Variants in PLCXD3 observed in about 807,000 individuals in gnomAD.
PLCXD3 encodes PI-PLC X domain-containing protein 3.
PLCXD3 carries 19 observed loss-of-function variants against 25.5 expected under a neutral mutation model. The ratio of observed to expected loss-of-function variants is 0.75; its 90% CI spans 0.52 to 1.09. The LOEUF (loss-of-function observed/expected upper bound fraction) is 1.09, where lower values mean the gene tolerates loss of function less well. Ranked by LOEUF, PLCXD3 falls within the 50% of genes least tolerant of loss-of-function variation. The pLI is 0.00. For missense variants in PLCXD3, 411 were observed against 388.1 expected (o/e 1.06, Z -0.50); for synonymous variants, 174 against 137.6 (o/e 1.26, Z -1.85).
intron 2 of PLCXD3, among the ~76,000 whole-genome samples, chr5:41,318,767 A>G (rs1345369276): frequency 6.6e-6 from 1 of 152,176 alleles, no homozygotes; most frequent in Non-Finnish European, 1.5e-5. Context: ...CATTGAATGT[A>G]AATGGACTAA....
intron 2 of PLCXD3, among the ~76,000 whole-genome samples, chr5:41,339,755 C>G (rs942085043): frequency 1.3e-5 from 2 of 152,098 alleles, no homozygotes; most frequent in African/African-American, 4.8e-5. Flanking sequence ...TAAAAGAACC[C>G]TTGCTATACT....
At chr5:41,502,475 C>T (rs1000751612) in intron 1 of PLCXD3, among the ~76,000 whole-genome samples, 2 of 151,872 alleles carry the variant, frequency 1.3e-5, no homozygotes, top group African/African-American at 4.8e-5. Context: ...TACAATGGAG[C>T]CCTTTCTTTA....
intron 1 of PLCXD3, among the ~76,000 whole-genome samples, chr5:41,482,599 G>A (rs1235902545): frequency 6.6e-6 from 1 of 152,140 alleles, no homozygotes; most frequent in African/African-American, 2.4e-5. Flanking sequence ...GAAATAACAA[G>A]AGGAGCAAAC....
intron 1 of PLCXD3, among the ~76,000 whole-genome samples, chr5:41,399,035 A>G (rs901760938): frequency 3.3e-5 from 5 of 152,312 alleles, no homozygotes; most frequent in Non-Finnish European, 5.9e-5. Flanking sequence ...ACAAAAAAAA[A>G]GTAGCATTTC....
At chr5:41,395,869 C>T (rs1561259196) in intron 1 of PLCXD3, among the ~76,000 whole-genome samples, 1 of 151,734 alleles carries the variant, frequency 6.6e-6, no homozygotes, top group Non-Finnish European at 1.5e-5. Context: ...TGAATTCTAC[C>T]AAATATTTAA....
At position 41,499,582 on chromosome 5, in the gene PLCXD3, T is replaced by C. The variant is rs1222038794; in HGVS notation, c.103+10842A>G. On this transcript the variant is annotated intron_variant, in intron 1 of 2. Coordinates refer to ENST00000377801, the MANE Select transcript of PLCXD3 (RefSeq NM_001005473.3). ...TGTTACCACTCCCCAAAGGAATCTA[T>C]AGATTCAATGCAATCTTTATCAAAA... Among the ~76,000 whole-genome samples the C allele has an allele frequency of 3.3e-5, 5 of 151,928 alleles. No individual in the cohort carries two copies. In the South Asian group the frequency reaches 6.2e-4, roughly 19 times the overall value.
chr5:41,352,415 T>C (rs555705858), intron 2 of PLCXD3, among the ~76,000 whole-genome samples: 4 of 152,340 alleles, frequency 2.6e-5, no homozygotes, highest in African/African-American at 7.2e-5. Flanking sequence ...TGTGAGGTTT[T>C]TCTGGAAATC....
At chr5:41,409,722 A>G (rs1034610265) in intron 1 of PLCXD3, among the ~76,000 whole-genome samples, 2 of 152,230 alleles carry the variant, frequency 1.3e-5, no homozygotes, top group African/African-American at 4.8e-5. Context: ...AGGCACTGCC[A>G]CTAGTACATG....
intron 1 of PLCXD3, among the ~76,000 whole-genome samples, chr5:41,413,000 A>C (rs1032800577): frequency 1.3e-5 from 2 of 152,220 alleles, no homozygotes; most frequent in African/African-American, 2.4e-5. Context: ...AGAAGTAACG[A>C]CATGACAACC....
chr5:41,384,105 T>A (rs75705856), intron 1 of PLCXD3, among the ~76,000 whole-genome samples: 16,287 of 152,102 alleles, frequency 0.11, 1,053 homozygotes, highest in Admixed American at 0.17. Context: ...TTTCAAAAAC[T>A]ATAAAAGATA....
At chr5:41,440,391 C>T (rs555275680) in intron 1 of PLCXD3, among the ~76,000 whole-genome samples, 2 of 151,590 alleles carry the variant, frequency 1.3e-5, no homozygotes, top group South Asian at 4.2e-4. Context: ...TGCCTCCATG[C>T]CTGGCTAATT....
intron 1 of PLCXD3, among the ~76,000 whole-genome samples, chr5:41,433,995 A>G (rs1747176324): frequency 6.6e-6 from 1 of 152,146 alleles, no homozygotes; most frequent in Non-Finnish European, 1.5e-5. Flanking sequence ...TGGGATGGAG[A>G]CTTTCAGCAG....
chr5:41,381,732 T>A, intron 2 of PLCXD3, 94 bp downstream of exon 2: 4 of 1,176,168 alleles, frequency 3.4e-6, no homozygotes, highest in Non-Finnish European at 4.8e-6. Context: ...GGACCTAATA[T>A]ACATAGGTAT....
intron 1 of PLCXD3, among the ~76,000 whole-genome samples, chr5:41,411,555 C>T (rs1746519602): frequency 6.6e-6 from 1 of 151,992 alleles, no homozygotes; most frequent in African/African-American, 2.4e-5. Context: ...GTTTATAAAA[C>T]TGGCACAAAC....
chr5:41,421,748 G>A (rs2150506214), intron 1 of PLCXD3, among the ~76,000 whole-genome samples: 1 of 150,126 alleles, frequency 6.7e-6, no homozygotes, highest in South Asian at 2.1e-4. Context: ...CTCTTTGGTA[G>A]AATTTAGATG....
intron 1 of PLCXD3, among the ~76,000 whole-genome samples, chr5:41,478,930 C>T (rs1473204913): frequency 6.6e-6 from 1 of 152,154 alleles, no homozygotes; most frequent in Non-Finnish European, 1.5e-5. Context: ...TTGAAACAAA[C>T]AGATCTCGTG....
chr5:41,356,203 T>A (rs1744613474), intron 2 of PLCXD3, among the ~76,000 whole-genome samples: 1 of 152,004 alleles, frequency 6.6e-6, no homozygotes, highest in Non-Finnish European at 1.5e-5. Flanking sequence ...GAGGCGGAGG[T>A]TGCAGTGAGC....
chr5:41,430,227 T>C (rs1004758567), intron 1 of PLCXD3, among the ~76,000 whole-genome samples: 1 of 152,220 alleles, frequency 6.6e-6, no homozygotes, highest in Non-Finnish European at 1.5e-5. Flanking sequence ...GTTCCTAGTA[T>C]ATAGAAAATG....
At chr5:41,380,044 C>T (rs763225252) in intron 2 of PLCXD3, among the ~76,000 whole-genome samples, 1 of 152,028 alleles carries the variant, frequency 6.6e-6, no homozygotes. Flanking sequence ...CATTTCCACT[C>T]CAATGACTTG....
Sources: gnomAD v4.1 joint callset for allele counts (sites outside exome capture counted in the v4.1 genomes callset) on GRCh38, gnomAD v4.1.1 for gene constraint, MANE v1.5 for transcripts, NCBI Gene and HGNC (gene_info 2026-07-23, HGNC 2026-07-21) for gene names.